CCDC3: variants seen among roughly 807,000 people sequenced by gnomAD.
CCDC3 encodes coiled-coil domain containing 3, also known as coiled-coil domain-containing protein 3.
In CCDC3, 24 loss-of-function variants were observed where a neutral mutation model predicts 21.4. The observed-to-expected ratio is 1.12, with a 90% CI of 0.81 to 1.58. CCDC3 has a LOEUF of 1.58. CCDC3 is among the 40% of genes most tolerant of loss of function. The pLI, the probability that CCDC3 is intolerant of heterozygous loss-of-function variation, is 0.00. For missense variants in CCDC3, 425 were observed against 360.9 expected, an observed-to-expected ratio of 1.18 and a Z score of -1.44; for synonymous variants, 186 against 166.0, an observed-to-expected ratio of 1.12 and a Z score of -0.93.
chr10:13,003,654 T>C (rs138738601), upstream of CCDC3, among the ~76,000 whole-genome samples: 23 of 152,336 alleles, frequency 1.5e-4, no homozygotes, highest in Non-Finnish European at 2.2e-4. Flanking sequence ...TCAGATAAGA[T>C]AGTAAGAAAG....
At chr10:13,060,257 C>T (rs923802540) in intron 4 of CCDC3, among the ~76,000 whole-genome samples, 4 of 152,106 alleles carry the variant, frequency 2.6e-5, no homozygotes, top group Non-Finnish European at 5.9e-5. Flanking sequence ...CCTTGCTGTG[C>T]GTGTCTGGGA....
intron 2 of CCDC3, among the ~76,000 whole-genome samples, chr10:12,903,349 G>A (rs971681928): frequency 6.6e-6 from 1 of 152,212 alleles, no homozygotes; most frequent in Admixed American, 6.5e-5. Context: ...TCCAAAATGT[G>A]TGTTTCTTTA....
Position 12,896,962 on chromosome 10 carries a change from G to GTC in CCDC3, c.*1453_*1454insGA, listed in dbSNP as rs1345602153. 6.6e-6 allele frequency: 1 copy of GTC among 152,348 alleles called. No homozygotes were observed. Among genetic ancestry groups the GTC allele is most frequent in the Non-Finnish European group, 1.5e-5 (1 of 68,196 alleles). 9.4% of individuals were successfully genotyped at this position (152,348 alleles called of 1,614,324 possible). ...AGCCTGCCACCAAGACTCAAGCAAC[G>GTC]TAAGAGTCATCTCCCCAGACTGGCT... On this transcript the variant is annotated 3_prime_UTR_variant, in exon 3 of 3. Transcript: ENST00000378825.
intron 3 of CCDC3, among the ~76,000 whole-genome samples, chr10:13,075,419 T>C (rs1229597231): frequency 6.7e-6 from 1 of 148,258 alleles, no homozygotes; most frequent in Admixed American, 6.9e-5. Flanking sequence ...CAGATATTCC[T>C]ATTTTCATCA....
chr10:13,018,999 C>A (rs995498907), intron 5 of CCDC3, among the ~76,000 whole-genome samples: 7 of 151,608 alleles, frequency 4.6e-5, no homozygotes, highest in Non-Finnish European at 1.0e-4. Flanking sequence ...TTTGGGAGGC[C>A]GAGGCGGGCG....
chr10:12,955,410 CT>C (rs998335482), intron 2 of CCDC3, among the ~76,000 whole-genome samples: 44 of 152,282 alleles, frequency 2.9e-4, no homozygotes, highest in African/African-American at 1.0e-3. Flanking sequence ...AAAATACAGC[CT>C]TTCTTAGGCA....
rs184339639 is a variant in CCDC3 at position 13,017,430 on chromosome 10, T to C, written c.-1-18918A>G. Among the ~76,000 whole-genome samples the C allele has an allele frequency of 5.4e-3, 813 of 149,736 alleles. 6 individuals carry two copies. The highest frequency in any genetic ancestry group is 0.019 in the African/African-American group (762 of 40,778). On this transcript the variant is annotated intron_variant, in intron 5 of 6. Coordinates refer to the CCDC3 transcript ENST00000378839. ...TACTTGGGAGGCTGAGGCAGGAGAA[T>C]TGCTTGAACCCGGGAGGTGGAGGTT...
intron 5 of CCDC3, among the ~76,000 whole-genome samples, chr10:13,042,099 G>T (rs1377058356): frequency 6.6e-6 from 1 of 152,224 alleles, no homozygotes; most frequent in East Asian, 1.9e-4. Flanking sequence ...GAAACATAGA[G>T]TTTGAAGACC....
chr10:13,065,613 G>A (rs767127713), intron 4 of CCDC3, among the ~76,000 whole-genome samples: 19 of 152,136 alleles, frequency 1.2e-4, no homozygotes, highest in East Asian at 3.9e-4. Flanking sequence ...CCTTCTCTTC[G>A]ATATCCTGCT....
At chr10:13,006,995 T>C (rs1835931825) in intron 5 of CCDC3, among the ~76,000 whole-genome samples, 1 of 152,188 alleles carries the variant, frequency 6.6e-6, no homozygotes, top group South Asian at 2.1e-4. Context: ...TGATTACTAG[T>C]ATGCCCCTCC....
At chr10:13,079,009 A>C (rs1837000156) in intron 3 of CCDC3, among the ~76,000 whole-genome samples, 1 of 152,092 alleles carries the variant, frequency 6.6e-6, no homozygotes, top group African/African-American at 2.4e-5. Flanking sequence ...TTAAAATATA[A>C]TAATAATTAA....
rs188867550 is a variant in CCDC3 at position 12,923,847 on chromosome 10, C to A, written c.550-25168G>T. Among the ~76,000 whole-genome samples the A allele has an allele frequency of 3.0e-3, 460 of 152,312 alleles. 3 individuals carry two copies. The highest frequency in any genetic ancestry group is 0.011 in the African/African-American group (438 of 41,564). On this transcript the variant is annotated intron_variant, in intron 2 of 2. Coordinates refer to ENST00000378825, the MANE Select transcript of CCDC3 (RefSeq NM_031455.4). ...TTCTGAGCATAAAGGTTTCAGACAA[C>A]CTCTGCTGTCATGTGTATCTTTGCA...
At chr10:12,970,473 G>A (rs570605125) in intron 2 of CCDC3, among the ~76,000 whole-genome samples, 2 of 152,200 alleles carry the variant, frequency 1.3e-5, no homozygotes, top group Non-Finnish European at 2.9e-5. Context: ...AAGTTTGTGA[G>A]GTAGTATACA....
At chr10:12,990,944 G>A (rs893172659) in intron 2 of CCDC3, among the ~76,000 whole-genome samples, 1 of 152,100 alleles carries the variant, frequency 6.6e-6, no homozygotes, top group Non-Finnish European at 1.5e-5. Flanking sequence ...TTTGAGTTTG[G>A]GTGCAGTATC....
At chr10:13,060,717 G>A (rs1287253267) in intron 4 of CCDC3, among the ~76,000 whole-genome samples, 3 of 152,106 alleles carry the variant, frequency 2.0e-5, no homozygotes, top group African/African-American at 7.2e-5. Context: ...TGTTGCCCAG[G>A]CTGGTTTCTA....
intron 2 of CCDC3, among the ~76,000 whole-genome samples, chr10:12,946,013 A>C (rs1340059713): frequency 1.3e-5 from 2 of 152,218 alleles, no homozygotes; most frequent in African/African-American, 2.4e-5. Flanking sequence ...GTTAAGGAGC[A>C]TATTTCAGTC....
At chr10:13,027,710 C>CA (rs1836241382) in intron 5 of CCDC3, among the ~76,000 whole-genome samples, 1 of 86,668 alleles carries the variant, frequency 1.2e-5, no homozygotes, top group East Asian at 4.2e-4. Flanking sequence ...GACTCCAATT[C>CA]AAAAAAAATT....
In CCDC3 at chr10:13,001,531, C is replaced by A; in HGVS notation, c.40G>T (p.Gly14Cys). The A allele has an allele frequency of 7.7e-7, 1 of 1,301,612 alleles. No individual in the cohort carries two copies. The allele number at this position is 1,301,612 out of a possible 1,614,324, so 80.6% of individuals were successfully genotyped here. ...CAGGCGCGCGCGGGCGCTGGGGGAC[C>A]CGCCAGGCAGAGCGCGGCGAGCAGC... ...QLLLAALCLAGPPAPARACQL... is the reference protein window; with the variant it reads ...QLLLAALCLACPPAPARACQL... The change falls in exon 1 of 3, where the codon GGT becomes TGT. Residue 14 changes from glycine to cysteine, a missense_variant. Transcript: ENST00000378825.
At chr10:12,953,914 G>A (rs1252232032) in intron 2 of CCDC3, among the ~76,000 whole-genome samples, 1 of 152,184 alleles carries the variant, frequency 6.6e-6, no homozygotes, top group Non-Finnish European at 1.5e-5. Context: ...CATTTCTGTT[G>A]CAACTACTCA....
Sources: gnomAD v4.1 joint callset for allele counts (sites outside exome capture counted in the v4.1 genomes callset) on GRCh38, gnomAD v4.1.1 for gene constraint, MANE v1.5 for transcripts, NCBI Gene and HGNC (gene_info 2026-07-23, HGNC 2026-07-21) for gene names.